PPP6R3: variants seen among roughly 807,000 people sequenced by gnomAD.
PPP6R3 encodes protein phosphatase 6 regulatory subunit 3.
A neutral mutation model predicts 110.7 loss-of-function variants in PPP6R3; 38 were observed. The observed-to-expected ratio is 0.34, with a 90% confidence interval of 0.26 to 0.45. The LOEUF (loss-of-function observed/expected upper bound fraction) is 0.45, where lower values mean the gene tolerates loss of function less well. Among genes scored for constraint, PPP6R3 ranks in the 20% least tolerant of loss-of-function variants. PPP6R3 has a pLI of 1.00. For missense variants in PPP6R3, 870 were observed against 1,062.4 expected (o/e 0.82, Z 2.52); for synonymous variants, 369 against 373.5 (o/e 0.99, Z 0.14).
rs564711433 is a variant in PPP6R3, at chr11:68,498,896, G to A, written c.-157-20605G>A. Among the ~76,000 whole-genome samples the A allele has an allele frequency of 5.3e-5, 8 of 152,282 alleles. No homozygotes were observed. In the South Asian group the frequency reaches 1.2e-3, roughly 24 times the overall value. On this transcript the variant is annotated intron_variant, in intron 1 of 23. Coordinates refer to ENST00000393800, the MANE Select transcript of PPP6R3 (RefSeq NM_001164161.2). ...ATGTATAGTAGTGGCATCTACTAAAGCTATTGTACCAAATTAGGCTTCCAT... is the reference window on the plus strand; with the variant it reads ...ATGTATAGTAGTGGCATCTACTAAAACTATTGTACCAAATTAGGCTTCCAT...
At chr11:68,469,908 T>G (rs2098778079) in intron 1 of PPP6R3, among the ~76,000 whole-genome samples, 1 of 152,188 alleles carries the variant, frequency 6.6e-6, no homozygotes, top group South Asian at 2.1e-4. Flanking sequence ...CTGCTTTACT[T>G]TATGGTGTTG....
At chr11:68,480,819 T>C (rs533464990) in intron 1 of PPP6R3, among the ~76,000 whole-genome samples, 2 of 152,240 alleles carry the variant, frequency 1.3e-5, no homozygotes, top group East Asian at 3.9e-4. Context: ...AAATATATGA[T>C]TTTTTCCCCC....
chr11:68,612,962 A>T (rs900132666), intron 23 of PPP6R3, 104 bp from the exon 24 acceptor site: 2 of 1,565,116 alleles, frequency 1.3e-6, no homozygotes, highest in Non-Finnish European at 1.7e-6. Context: ...GTTCAAAACA[A>T]TGTTAAAATA....
At chr11:68,545,490 A>T (rs1026998027) in intron 4 of PPP6R3, among the ~76,000 whole-genome samples, 6 of 152,360 alleles carry the variant, frequency 3.9e-5, no homozygotes, top group Non-Finnish European at 8.8e-5. Flanking sequence ...ATTCTACTCA[A>T]AACTTCTCCA....
intron 1 of PPP6R3, among the ~76,000 whole-genome samples, chr11:68,470,726 GA>G (rs1310745508): frequency 6.6e-6 from 1 of 152,102 alleles, no homozygotes; most frequent in African/African-American, 2.4e-5. Context: ...GATCCTTCTT[GA>G]AAAGGAAGAG....
At chr11:68,529,336 A>G (rs1041873989) in intron 2 of PPP6R3, among the ~76,000 whole-genome samples, 3 of 152,104 alleles carry the variant, frequency 2.0e-5, no homozygotes, top group Admixed American at 6.5e-5. Flanking sequence ...CTCCTGCCTC[A>G]ACCTCCCAAG....
intron 1 of PPP6R3, among the ~76,000 whole-genome samples, chr11:68,492,002 AC>A (rs899224634): frequency 6.6e-6 from 1 of 152,146 alleles, no homozygotes. Context: ...TCCCGCCCAG[AC>A]CCTGGCAACT....
chr11:68,605,506 CAACAT>C (rs1939124759), intron 22 of PPP6R3, among the ~76,000 whole-genome samples: 1 of 152,024 alleles, frequency 6.6e-6, no homozygotes, highest in Non-Finnish European at 1.5e-5. Context: ...TATTTTGTCT[CAACAT>C]AAATATGAAA....
Position 68,613,641 on chromosome 11 carries a change from G to T in PPP6R3, c.*524G>T. On this transcript the variant is annotated 3_prime_UTR_variant, in exon 24 of 24. Coordinates refer to ENST00000393800, the MANE Select transcript of PPP6R3 (RefSeq NM_001164161.2). ...TTTGGTTGTTCTAACTTACAAAAGT[G>T]ATTTTGAATAAGAAATATTTGGTGT... 1.0e-6 allele frequency: 1 copy of T among 985,514 alleles called. No individual in the cohort carries two copies. Among genetic ancestry groups the T allele is most frequent in the South Asian group, 4.7e-5 (1 of 21,292 alleles). The allele number at this position is 985,514 out of a possible 1,614,324, so 61.0% of individuals were successfully genotyped here. A position where few individuals can be genotyped will look rare whatever the true frequency, so the allele number is the denominator to read the frequency against.
intron 1 of PPP6R3, among the ~76,000 whole-genome samples, chr11:68,480,630 A>T (rs191232954): frequency 6.6e-6 from 1 of 152,126 alleles, no homozygotes; most frequent in Non-Finnish European, 1.5e-5. Context: ...AGTCCAGCAA[A>T]TGTTTGTTTT....
chr11:68,527,200 A>C (rs949258263), intron 2 of PPP6R3, among the ~76,000 whole-genome samples: 3 of 152,220 alleles, frequency 2.0e-5, no homozygotes, highest in African/African-American at 7.2e-5. Context: ...ACATTGGAGA[A>C]GTAATGGTCA....
chr11:68,477,020 C>A (rs1199140258), intron 1 of PPP6R3, among the ~76,000 whole-genome samples: 1 of 150,378 alleles, frequency 6.6e-6, no homozygotes, highest in Non-Finnish European at 1.5e-5. Flanking sequence ...CAGAGTAAGA[C>A]CCTGTTTCTT....
At chr11:68,467,276 C>T (rs916040536) in intron 1 of PPP6R3, among the ~76,000 whole-genome samples, 1 of 152,158 alleles carries the variant, frequency 6.6e-6, no homozygotes, top group Non-Finnish European at 1.5e-5. Flanking sequence ...GGGAAAACCA[C>T]GGGATTATTA....
At chr11:68,498,288 T>C (rs1181547145) in intron 1 of PPP6R3, among the ~76,000 whole-genome samples, 5 of 152,204 alleles carry the variant, frequency 3.3e-5, no homozygotes. Context: ...AATTGAACAG[T>C]ATAATGAAAC....
At chr11:68,504,742 G>T (rs1272796415) in intron 1 of PPP6R3, among the ~76,000 whole-genome samples, 2 of 152,216 alleles carry the variant, frequency 1.3e-5, no homozygotes, top group African/African-American at 4.8e-5. Context: ...TTGGGGGAAA[G>T]AACAGTCCAA....
At chr11:68,599,092 A>G (rs751447841) in intron 19 of PPP6R3, among the ~76,000 whole-genome samples, 1 of 152,240 alleles carries the variant, frequency 6.6e-6, no homozygotes, top group Non-Finnish European at 1.5e-5. Flanking sequence ...TCTATTCTAC[A>G]CGGGTACTTC....
chr11:68,553,118 G>A (rs2099387233), intron 6 of PPP6R3, among the ~76,000 whole-genome samples: 1 of 152,068 alleles, frequency 6.6e-6, no homozygotes, highest in African/African-American at 2.4e-5. Flanking sequence ...TGAGTGTTCT[G>A]CCTGTATTGG....
chr11:68,557,816 C>T (rs1020973989), intron 7 of PPP6R3, among the ~76,000 whole-genome samples: 10 of 152,308 alleles, frequency 6.6e-5, no homozygotes, highest in East Asian at 5.8e-4. Flanking sequence ...CTGCACCTGG[C>T]GTCCATTTCT....
intron 2 of PPP6R3, among the ~76,000 whole-genome samples, chr11:68,524,687 C>G (rs1022841700): frequency 1.3e-5 from 2 of 152,158 alleles, no homozygotes; most frequent in African/African-American, 2.4e-5. Flanking sequence ...TATATTCATT[C>G]ATGTTAAATA....
Sources: allele counts gnomAD v4.1 joint callset (sites outside exome capture counted in the v4.1 genomes callset), GRCh38; gene constraint gnomAD v4.1.1; transcripts MANE v1.5; gene names NCBI Gene and HGNC (gene_info 2026-07-23, HGNC 2026-07-21).